The following PID1 variants were observed in gnomAD, a reference collection of about 807,000 sequenced individuals.
PID1 encodes the protein phosphotyrosine interaction domain containing 1, also known as PTB-containing, cubilin and LRP1-interacting protein.
PID1 carries 10 observed loss-of-function variants against 19.1 expected under a neutral mutation model. The ratio of observed to expected loss-of-function variants is 0.52; its 90% confidence interval spans 0.32 to 0.89. The LOEUF is 0.89. Among genes scored for constraint, PID1 ranks in the 40% least tolerant of loss-of-function variants. PID1 has a pLI of 0.03. For missense variants in PID1, 248 were observed against 285.3 expected, an observed-to-expected ratio of 0.87 and a Z score of 0.94; for synonymous variants, 130 against 116.0, an observed-to-expected ratio of 1.12 and a Z score of -0.78.
At chr2:229,034,105 A>G (rs1693610841) in intron 2 of PID1, among the ~76,000 whole-genome samples, 1 of 152,200 alleles carries the variant, frequency 6.6e-6, no homozygotes, top group Admixed American at 6.5e-5. Flanking sequence ...CTGTATTACA[A>G]GCTTTAAGCC....
intron 1 of PID1, among the ~76,000 whole-genome samples, chr2:229,246,432 C>T (rs1490040464): frequency 1.3e-5 from 2 of 152,126 alleles, no homozygotes; most frequent in Admixed American, 1.3e-4. Flanking sequence ...TACACAGAAA[C>T]ACACATACAC....
chr2:229,255,128 T>C (rs1382942090), intron 1 of PID1, among the ~76,000 whole-genome samples: 1 of 152,214 alleles, frequency 6.6e-6, no homozygotes, highest in Non-Finnish European at 1.5e-5. Flanking sequence ...TATAATAGCC[T>C]CATCCAACTC....
chr2:229,171,283 G>T (rs1690707913), intron 1 of PID1, among the ~76,000 whole-genome samples: 1 of 152,188 alleles, frequency 6.6e-6, no homozygotes, highest in African/African-American at 2.4e-5. Context: ...TTTTATTCCA[G>T]GGCTTCAAGT....
chr2:229,026,118 C>A lies in PID1; in HGVS notation c.178-10G>T, dbSNP rs749628436. On this transcript the variant is annotated splice_polypyrimidine_tract_variant and intron_variant, in intron 2 of 2. Coordinates refer to ENST00000392055, the MANE Select transcript of PID1 (RefSeq NM_001100818.2). ...TGCCCAGGTAGGTAACCTGCAGATG[C>A]AAGAGAGGAAGAAAAGGGAGGCATC... 3.7e-5 allele frequency: 59 copies of A among 1,595,706 alleles called. No individual in the cohort carries two copies. Among genetic ancestry groups the A allele is most frequent in the Non-Finnish European group, 4.6e-5 (53 of 1,164,612 alleles).
chr2:229,103,571 ATTTTT>A (rs60510809), intron 2 of PID1, among the ~76,000 whole-genome samples: 4 of 76,236 alleles, frequency 5.2e-5, no homozygotes, highest in Non-Finnish European at 7.5e-5. Context: ...ATATGCTGGA[ATTTTT>A]TTTTTTTTTT....
At chr2:229,185,070 A>ATATATCCTACT (rs1691095903) in intron 1 of PID1, among the ~76,000 whole-genome samples, 3 of 4,684 alleles carry the variant, frequency 6.4e-4, no homozygotes, top group South Asian at 1.7e-3. Flanking sequence ...TCCTCCATAT[A>ATATATCCTACT]TATATATCCT....
At chr2:229,053,525 T>C (rs1289207396) in intron 2 of PID1, among the ~76,000 whole-genome samples, 1 of 152,294 alleles carries the variant, frequency 6.6e-6, no homozygotes, top group Middle Eastern at 3.4e-3. Context: ...CTAGAACTTA[T>C]GGCACCTGCC....
chr2:229,149,348 G>A (rs1198818908), intron 2 of PID1, among the ~76,000 whole-genome samples: 1 of 152,108 alleles, frequency 6.6e-6, no homozygotes, highest in African/African-American at 2.4e-5. Flanking sequence ...AAAGATTTAG[G>A]TGTAGAAATC....
chr2:229,032,478 G>A (rs200839169), intron 2 of PID1, among the ~76,000 whole-genome samples: 12 of 152,222 alleles, frequency 7.9e-5, no homozygotes, highest in Middle Eastern at 3.4e-3. Flanking sequence ...TTTAAGAGTC[G>A]CAACCTTCCA....
In PID1 at chr2:229,083,855, C is replaced by T. The variant is rs182713585; in HGVS notation, c.178-57747G>A. 1.8e-3 allele frequency among the ~76,000 whole-genome samples: 272 copies of T among 152,288 alleles called. 1 individual carries two copies. The highest frequency in any genetic ancestry group is 6.1e-3 in the African/African-American group (252 of 41,564). On this transcript the variant is annotated intron_variant, in intron 2 of 2. Transcript: ENST00000392055. ...AACAGCCAACGCCACAAGAGAGCTGCCACAGGGGCAACCTCATGACAGAAA... is the reference window on the plus strand; with the variant it reads ...AACAGCCAACGCCACAAGAGAGCTGTCACAGGGGCAACCTCATGACAGAAA...
At position 229,234,497 on chromosome 2, in the gene PID1, C is replaced by T. The variant is rs1378147114; in HGVS notation, c.30+36517G>A. Reference sequence around the variant, plus strand: ...AAAAAGGCAAGAAAACAGCATCTTCCCTAGGCCTCCAGAAGTAACTCAGCC... The same window carrying T: ...AAAAAGGCAAGAAAACAGCATCTTCTCTAGGCCTCCAGAAGTAACTCAGCC... On this transcript the variant is annotated intron_variant, in intron 1 of 2. Coordinates refer to ENST00000392055, the MANE Select transcript of PID1 (RefSeq NM_001100818.2). 2.0e-5 allele frequency among the ~76,000 whole-genome samples: 3 copies of T among 152,246 alleles called. No individual in the cohort carries two copies. In the East Asian group the frequency reaches 5.8e-4, roughly 29 times the overall value.
Position 229,107,800 on chromosome 2 carries a change from C to T in PID1, c.177+48018G>A, listed in dbSNP as rs140331075. On this transcript the variant is annotated intron_variant, in intron 2 of 2. Coordinates refer to ENST00000392055, the MANE Select transcript of PID1 (RefSeq NM_001100818.2). ...GTGTTCTATGGAACGGCAGCATTGG[C>T]ATCCCCTGGAAGCTTGTTAGAAAAT... Among the ~76,000 whole-genome samples, 397 of 152,318 alleles carry T rather than the reference C, an allele frequency of 2.6e-3. No individual in the cohort carries two copies. In the Middle Eastern group the frequency reaches 0.027, roughly 10 times the overall value.
In PID1 at chr2:229,175,105, C is replaced by T. The variant is rs565620094; in HGVS notation, c.31-19141G>A. Reference sequence around the variant, plus strand: ...TCCTTTAGTGCCAGTTGAGCCGTTCCTGCTGGCCCACATAGCCCTGTCCAA... The same window carrying T: ...TCCTTTAGTGCCAGTTGAGCCGTTCTTGCTGGCCCACATAGCCCTGTCCAA... On this transcript the variant is annotated intron_variant, in intron 1 of 2. Transcript: ENST00000392055. Among the ~76,000 whole-genome samples the T allele has an allele frequency of 4.6e-5, 7 of 152,328 alleles. No homozygotes were observed. The South Asian group carries it at 1.5e-3, about 32-fold the overall frequency.
intron 1 of PID1, among the ~76,000 whole-genome samples, chr2:229,204,941 C>CA (rs1410480821): frequency 2.6e-5 from 4 of 151,924 alleles, no homozygotes; most frequent in South Asian, 2.1e-4. Context: ...TAGAACTTTA[C>CA]AAAAAAATGA....
intron 2 of PID1, among the ~76,000 whole-genome samples, chr2:229,033,905 C>A (rs1185451242): frequency 1.3e-5 from 2 of 152,164 alleles, no homozygotes; most frequent in Admixed American, 1.3e-4. Context: ...GGATTCCCAC[C>A]TGCACATTCC....
chr2:229,244,095 C>T (rs1488091525), intron 1 of PID1, among the ~76,000 whole-genome samples: 1 of 152,092 alleles, frequency 6.6e-6, no homozygotes, highest in Non-Finnish European at 1.5e-5. Context: ...AAAGCAAAAA[C>T]TAGCATTATG....
chr2:229,166,247 T>G lies in PID1; in HGVS notation c.31-10283A>C, dbSNP rs572193114. ...CTGTATGATTCCATTTATATAGCAT[T>G]GTAGGAAATAGATCAATGGATAGTG... On this transcript the variant is annotated intron_variant, in intron 1 of 2. Transcript: ENST00000392055. Among the ~76,000 whole-genome samples, 124 of 152,248 alleles carry G rather than the reference T, an allele frequency of 8.1e-4. No individual in the cohort carries two copies. The Middle Eastern group carries it at 0.01, about 13-fold the overall frequency.
chr2:229,041,179 C>T (rs1012794562), intron 2 of PID1, among the ~76,000 whole-genome samples: 6 of 152,156 alleles, frequency 3.9e-5, no homozygotes, highest in African/African-American at 1.4e-4. Context: ...TAAAAGAAGC[C>T]ATCCCTACTC....
intron 1 of PID1, among the ~76,000 whole-genome samples, chr2:229,217,957 G>T (rs1056289162): frequency 6.6e-6 from 1 of 152,108 alleles, no homozygotes; most frequent in Non-Finnish European, 1.5e-5. Flanking sequence ...ATAATGACCT[G>T]TAAGATTCAG....
Sources: gnomAD v4.1 joint callset for allele counts (sites outside exome capture counted in the v4.1 genomes callset) on GRCh38, gnomAD v4.1.1 for gene constraint, MANE v1.5 for transcripts, NCBI Gene and HGNC (gene_info 2026-07-23, HGNC 2026-07-21) for gene names.